Variants in SCUBE1 observed in about 807,000 individuals in gnomAD.
SCUBE1 encodes signal peptide, CUB domain and EGF like domain containing 1, also known as signal peptide, CUB and EGF-like domain-containing protein 1.
In SCUBE1, 59 loss-of-function variants were observed where a neutral mutation model predicts 124.4. That is an observed-to-expected ratio of 0.47 (90% CI 0.38 to 0.59). The LOEUF (loss-of-function observed/expected upper bound fraction) is 0.59, where lower values mean the gene tolerates loss of function less well. Ranked by LOEUF, SCUBE1 falls within the 20% of genes least tolerant of loss-of-function variation. The pLI is 0.00. For synonymous variants in SCUBE1, 545 were observed against 550.9 expected, an observed-to-expected ratio of 0.99 and a Z score of 0.15; for missense variants, 1,150 against 1,371.2, an observed-to-expected ratio of 0.84 and a Z score of 2.55.
At chr22:43,294,367 A>AC (rs1806824547) in intron 3 of SCUBE1, among the ~76,000 whole-genome samples, 1 of 152,112 alleles carries the variant, frequency 6.6e-6, no homozygotes, top group Non-Finnish European at 1.5e-5. Context: ...AAGAGCATCC[A>AC]ACTGCAGCAG....
At chr22:43,280,594 C>T (rs1342799254) in intron 4 of SCUBE1, among the ~76,000 whole-genome samples, 1 of 144,924 alleles carries the variant, frequency 6.9e-6, no homozygotes, top group Non-Finnish European at 1.5e-5. Flanking sequence ...CAGACATCCT[C>T]CTGCTACCTT....
chr22:43,283,628 G>A (rs117827745), intron 4 of SCUBE1: 2 of 152,294 alleles, frequency 1.3e-5, no homozygotes, highest in Non-Finnish European at 2.9e-5. Flanking sequence ...TGGTTGTGAT[G>A]TGGATCCGTA....
chr22:43,263,518 C>A (rs908380875), intron 4 of SCUBE1, among the ~76,000 whole-genome samples: 1 of 152,182 alleles, frequency 6.6e-6, no homozygotes, highest in East Asian at 1.9e-4. Context: ...GCTCGGGGAG[C>A]GGCAGTGAAG....
chr22:43,215,703 G>A lies in SCUBE1; in HGVS notation c.1892-1452C>T, dbSNP rs111775791. ...CGTTAGCCTAGAGGAGGTGAGTTTG[G>A]GACAAGGGCAGGAGAGGCAGGGAAA... On this transcript the variant is annotated intron_variant, in intron 15 of 21. Transcript: ENST00000360835. 2.3e-3 allele frequency among the ~76,000 whole-genome samples: 357 copies of A among 152,270 alleles called. 1 individual carries two copies. Among genetic ancestry groups the A allele is most frequent in the African/African-American group, 8.1e-3 (337 of 41,546 alleles).
chr22:43,208,073 A>G lies in SCUBE1; in HGVS notation c.2733T>C (p.Asp911=), dbSNP rs1321909579. 1 of 1,613,824 alleles carries G rather than the reference A, an allele frequency of 6.2e-7. No homozygotes were observed. The highest frequency in any genetic ancestry group is 1.3e-5 in the African/African-American group (1 of 74,900). ...KGFQVPYVTY[D]EDYQQLIEDI... ...GGCCGTGAAGACAGTGGATCTTACC[A>G]TCGTAGGTGACATAGGGCACTTGGA... The change falls in exon 20 of 22, where the codon GAT becomes GAC. Residue 911 remains aspartate, a splice_region_variant and synonymous_variant. Coordinates refer to ENST00000360835, the MANE Select transcript of SCUBE1 (RefSeq NM_173050.5).
chr22:43,203,623 C>T lies in SCUBE1; in HGVS notation c.*374G>A. 1.1e-5 allele frequency: 2 copies of T among 187,000 alleles called. No individual in the cohort carries two copies. Among genetic ancestry groups the T allele is most frequent in the Non-Finnish European group, 1.1e-5 (1 of 89,736 alleles). The allele number at this position is 187,000 out of a possible 1,614,324, so 11.6% of individuals were successfully genotyped here. A position where few individuals can be genotyped will look rare whatever the true frequency, so the allele number is the denominator to read the frequency against. On this transcript the variant is annotated 3_prime_UTR_variant, in exon 22 of 22. Transcript: ENST00000360835. ...TTTGTCCCCTCCTCTCTCCCCTGGA[C>T]TCCTGTCTCGGATGACCACGCCTCC... is the stretch of plus-strand genomic sequence containing the variant.
At chr22:43,291,025 G>C in intron 4 of SCUBE1, 21 bp downstream of exon 4, 1 of 1,565,714 alleles carries the variant, frequency 6.4e-7, no homozygotes, top group Non-Finnish European at 8.7e-7. Context: ...GACATGCCTG[G>C]TCAGCATAGG....
intron 3 of SCUBE1, among the ~76,000 whole-genome samples, chr22:43,318,534 A>G (rs917102767): frequency 6.6e-6 from 1 of 152,300 alleles, no homozygotes; most frequent in Middle Eastern, 3.4e-3. Context: ...TGCCTGAGGT[A>G]CGCATGATAT....
intron 4 of SCUBE1, among the ~76,000 whole-genome samples, chr22:43,290,002 G>A (rs949329590): frequency 2.0e-5 from 3 of 152,166 alleles, no homozygotes; most frequent in Admixed American, 2.0e-4. Flanking sequence ...AGCAATGGGG[G>A]CGTGCCTGAA....
At chr22:43,286,998 CCTGAAGGTG>C (rs1372812248) in intron 4 of SCUBE1, among the ~76,000 whole-genome samples, 1 of 152,124 alleles carries the variant, frequency 6.6e-6, no homozygotes, top group East Asian at 1.9e-4. Flanking sequence ...AGGGAGAGAG[CCTGAAGGTG>C]CTGCCTTCTA....
At chr22:43,341,454 C>A (rs1008113170) in intron 1 of SCUBE1, among the ~76,000 whole-genome samples, 2 of 152,188 alleles carry the variant, frequency 1.3e-5, no homozygotes, top group African/African-American at 2.4e-5. Context: ...AGATATGGCT[C>A]TTCCCACTTC....
At chr22:43,277,999 C>T (rs1471049968) in intron 4 of SCUBE1, among the ~76,000 whole-genome samples, 2 of 152,230 alleles carry the variant, frequency 1.3e-5, no homozygotes, top group African/African-American at 2.4e-5. Flanking sequence ...AAATTTATAC[C>T]ACTGATGTGA....
chr22:43,285,155 G>A (rs1925087257), intron 4 of SCUBE1, among the ~76,000 whole-genome samples: 1 of 152,100 alleles, frequency 6.6e-6, no homozygotes, highest in Admixed American at 6.5e-5. Flanking sequence ...TCTCCCAAAT[G>A]GGGGCTCTCA....
chr22:43,225,909 C>T lies in SCUBE1; in HGVS notation c.1207+1465G>A, dbSNP rs527650685. 1.1e-3 allele frequency among the ~76,000 whole-genome samples: 171 copies of T among 152,190 alleles called. No homozygotes were observed. In the Middle Eastern group the frequency reaches 0.041, roughly 36 times the overall value. ...GACGGAGATCCCCTCATGCTGCCTCCGCCACCCGTACAACCCCAAACAAGC... is the reference window on the plus strand; with the variant it reads ...GACGGAGATCCCCTCATGCTGCCTCTGCCACCCGTACAACCCCAAACAAGC... On this transcript the variant is annotated intron_variant, in intron 10 of 21. Coordinates refer to ENST00000360835, the MANE Select transcript of SCUBE1 (RefSeq NM_173050.5).
chr22:43,213,863 T>C (rs1921680744), intron 16 of SCUBE1, among the ~76,000 whole-genome samples: 1 of 152,194 alleles, frequency 6.6e-6, no homozygotes, highest in Non-Finnish European at 1.5e-5. Flanking sequence ...CGCTCAGCAC[T>C]GTAGTGCAGG....
Position 43,210,179 on chromosome 22 carries a change from A to C in SCUBE1, c.2445T>G (p.Pro815=). The part of the protein sequence containing the change: ...YTGYIESPNY[P]GDYPANAECV... Reference sequence around the variant, plus strand: ...ATTCAGCGTTGGCTGGGTAGTCGCCAGGGTAGTTGGGGGACTCGATGTAGC... The same window carrying C: ...ATTCAGCGTTGGCTGGGTAGTCGCCCGGGTAGTTGGGGGACTCGATGTAGC... The change falls in exon 19 of 22, where the codon CCT becomes CCG. Residue 815 remains proline (P), a synonymous_variant. Coordinates refer to ENST00000360835, the MANE Select transcript of SCUBE1 (RefSeq NM_173050.5). The surrounding 1 kb of genome is among the most constrained non-coding windows in gnomAD (Gnocchi z 4.5). The C allele has an allele frequency of 2.5e-6, 4 of 1,604,506 alleles. No individual in the cohort carries two copies. The highest frequency in any genetic ancestry group is 3.4e-6 in the Non-Finnish European group (4 of 1,175,470).
chr22:43,218,172 C>T (rs1921920505), intron 15 of SCUBE1, 83 bp downstream of exon 15: 2 of 1,366,794 alleles, frequency 1.5e-6, no homozygotes, highest in Admixed American at 1.7e-5. Flanking sequence ...TCTGTCTCAC[C>T]TGCGTGCCCA....
chr22:43,210,141 A>G lies in SCUBE1; in HGVS notation c.2483T>C (p.Ile828Thr), dbSNP rs1921479910. 3 of 1,612,286 alleles carry G rather than the reference A, an allele frequency of 1.9e-6. No homozygotes were observed. Among genetic ancestry groups the G allele is most frequent in the Non-Finnish European group, 2.5e-6 (3 of 1,179,444 alleles). ...GATCCTGCGCTTTGGGGGAGGCGCGATGTGCCAGACGCATTCAGCGTTGGC... is the reference window on the plus strand; with the variant it reads ...GATCCTGCGCTTTGGGGGAGGCGCGGTGTGCCAGACGCATTCAGCGTTGGC... ...YPANAECVWH[I>T]APPPKRRILI... Residue 828 changes from isoleucine to threonine, a missense_variant, in exon 19 of 22, where the codon ATC (isoleucine) becomes ACC (threonine). Physicochemically the swap from Ile to Thr is moderately conservative, Grantham distance 89. Coordinates refer to ENST00000360835, the MANE Select transcript of SCUBE1 (RefSeq NM_173050.5). The surrounding 1 kb of genome is among the most constrained non-coding windows in gnomAD (Gnocchi z 4.5).
chr22:43,251,514 G>A (rs1923447677), intron 6 of SCUBE1, among the ~76,000 whole-genome samples: 1 of 152,204 alleles, frequency 6.6e-6, no homozygotes, highest in Non-Finnish European at 1.5e-5. Flanking sequence ...CGTGATCACA[G>A]GGGTCCTTGA....
Sources: allele counts gnomAD v4.1 joint callset (sites outside exome capture counted in the v4.1 genomes callset), GRCh38; gene constraint gnomAD v4.1.1; non-coding constraint Gnocchi (gnomAD v3.1); transcripts MANE v1.5; gene names NCBI Gene and HGNC (gene_info 2026-07-23, HGNC 2026-07-21).